Variants in TOMM70 observed in about 807,000 individuals in gnomAD.
TOMM70 encodes mitochondrial import receptor subunit TOM70.
A neutral mutation model predicts 73.6 loss-of-function variants in TOMM70; 13 were observed. The observed-to-expected ratio is 0.18, with a 90% CI of 0.11 to 0.28. TOMM70 has a LOEUF of 0.28. Among genes scored for constraint, TOMM70 ranks in the 10% least tolerant of loss-of-function variants. TOMM70 has a pLI of 1.00. For missense variants in TOMM70, 609 were observed against 747.5 expected, an observed-to-expected ratio of 0.81 and a Z score of 2.16; for synonymous variants, 257 against 271.2, an observed-to-expected ratio of 0.95 and a Z score of 0.51.
Position 100,365,516 on chromosome 3 carries a change from A to C in TOMM70, c.*48T>G, listed in dbSNP as rs559529228. Reference sequence around the variant, plus strand: ...GACAGTGTCTTTAGGGTTCAGTTGAAGAGGGGGTAAACTTTTAAAAAGAGG... The same window carrying C: ...GACAGTGTCTTTAGGGTTCAGTTGACGAGGGGGTAAACTTTTAAAAAGAGG... On this transcript the variant is annotated 3_prime_UTR_variant, in exon 12 of 12. Transcript: ENST00000284320. 1.2e-6 allele frequency: 2 copies of C among 1,611,864 alleles called. No individual in the cohort carries two copies. Among genetic ancestry groups the C allele is most frequent in the South Asian group, 2.2e-5 (2 of 90,888 alleles).
chr3:100,365,331 C>T lies in TOMM70; in HGVS notation c.*233G>A, dbSNP rs1282346388. The stretch of plus-strand genomic sequence containing the variant: ...TCTTTGCAACTTTATTTAAAAATCC[C>T]TTTAACATGTTCTAATCTTTTGTTG... On this transcript the variant is annotated 3_prime_UTR_variant, in exon 12 of 12. Coordinates refer to ENST00000284320, the MANE Select transcript of TOMM70 (RefSeq NM_014820.5). 2 of 479,644 alleles carry T rather than the reference C, an allele frequency of 4.2e-6. No homozygotes were observed. The highest frequency in any genetic ancestry group is 1.9e-5 in the African/African-American group (1 of 51,960). 29.7% of individuals were successfully genotyped at this position (479,644 alleles called of 1,614,324 possible). A position where few individuals can be genotyped will look rare whatever the true frequency, so the allele number is the denominator to read the frequency against.
Position 100,373,627 on chromosome 3 carries a change from G to C in TOMM70, c.1246C>G (p.Gln416Glu). Residue 416 changes from glutamine (Q) to glutamate (E), a missense_variant, in exon 8 of 12, where the codon CAA (glutamine) becomes GAA (glutamate). Transcript: ENST00000284320. ...AAATCTGCCACTGCTTCTTCAACTTGATCAAGGAGTATTTTCAGCTAAGAA... is the reference window on the plus strand; with the variant it reads ...AAATCTGCCACTGCTTCTTCAACTTCATCAAGGAGTATTTTCAGCTAAGAA... The part of the protein sequence containing the change: ...HRGQLKILLD[Q>E]VEEAVADFDE... 2 of 1,612,490 alleles carry C rather than the reference G, an allele frequency of 1.2e-6. No individual in the cohort carries two copies. The highest frequency in any genetic ancestry group is 1.7e-6 in the Non-Finnish European group (2 of 1,179,288).
chr3:100,367,909 A>G, intron 11 of TOMM70, 135 bp downstream of exon 11: 1 of 960,204 alleles, frequency 1.0e-6, no homozygotes, highest in South Asian at 2.4e-5. Flanking sequence ...GCCTTAGCAC[A>G]TTTTTTTTTC....
chr3:100,398,883 T>C (rs1310243009), intron 1 of TOMM70, among the ~76,000 whole-genome samples: 1 of 152,228 alleles, frequency 6.6e-6, no homozygotes, highest in East Asian at 1.9e-4. Flanking sequence ...ATAGGAAAGA[T>C]CATATGGCTT....
At chr3:100,376,202 T>C (rs1217309710) in intron 6 of TOMM70, among the ~76,000 whole-genome samples, 2 of 152,150 alleles carry the variant, frequency 1.3e-5, no homozygotes, top group Non-Finnish European at 2.9e-5. Context: ...GAGAAATGTG[T>C]ATTCAGATCC....
intron 1 of TOMM70, among the ~76,000 whole-genome samples, chr3:100,390,801 C>T (rs1304787085): frequency 1.3e-5 from 2 of 151,724 alleles, no homozygotes; most frequent in Non-Finnish European, 2.9e-5. Flanking sequence ...TGCACTCCAG[C>T]CTGGGAAACA....
At chr3:100,378,242 CA>C (rs755941817) in intron 5 of TOMM70, among the ~76,000 whole-genome samples, 82 of 129,602 alleles carry the variant, frequency 6.3e-4, no homozygotes, top group Admixed American at 7.8e-4. Flanking sequence ...GACTCCATCT[CA>C]AAAAAAAAAA....
intron 1 of TOMM70, among the ~76,000 whole-genome samples, chr3:100,400,199 G>C (rs1303712709): frequency 6.6e-6 from 1 of 152,078 alleles, no homozygotes; most frequent in African/African-American, 2.4e-5. Flanking sequence ...CTCCAAAAGG[G>C]GGAGTGGCTC....
rs1706424149 is a variant in TOMM70, at chr3:100,364,273, A to G, written c.*1291T>C. 6.6e-6 allele frequency: 1 copy of G among 152,202 alleles called. No homozygotes were observed. Among genetic ancestry groups the G allele is most frequent in the South Asian group, 2.1e-4 (1 of 4,832 alleles). The allele number at this position is 152,202 out of a possible 1,614,324, so 9.4% of individuals were successfully genotyped here. A position where few individuals can be genotyped will look rare whatever the true frequency, so the allele number is the denominator to read the frequency against. On this transcript the variant is annotated 3_prime_UTR_variant, in exon 12 of 12. Coordinates refer to ENST00000284320, the MANE Select transcript of TOMM70 (RefSeq NM_014820.5). ...CCTGGGTAGTTAGTCCTTAGAGATCAAGGTTAGCTCACTACAAAAAGCACT... is the reference window on the plus strand; with the variant it reads ...CCTGGGTAGTTAGTCCTTAGAGATCGAGGTTAGCTCACTACAAAAAGCACT...
At chr3:100,368,490 G>C (rs277639) in intron 10 of TOMM70, among the ~76,000 whole-genome samples, 44,649 of 152,100 alleles carry the variant, frequency 0.29, 11,056 homozygotes, top group East Asian at 0.66. Flanking sequence ...TGTATGCTTC[G>C]TATTTGGATA....
chr3:100,384,187 A>G (rs998670619), intron 4 of TOMM70, among the ~76,000 whole-genome samples: 7 of 152,252 alleles, frequency 4.6e-5, no homozygotes, highest in African/African-American at 1.4e-4. Context: ...GTGACTGAAC[A>G]TTATTTATAA....
intron 5 of TOMM70, among the ~76,000 whole-genome samples, chr3:100,380,911 T>C (rs996416874): frequency 6.6e-6 from 1 of 152,212 alleles, no homozygotes; most frequent in Non-Finnish European, 1.5e-5. Flanking sequence ...AACCCAGTTA[T>C]GCACAGCTAC....
chr3:100,384,432 C>T (rs1162440435), intron 4 of TOMM70, 47 bp downstream of exon 4: 16 of 1,339,972 alleles, frequency 1.2e-5, no homozygotes, highest in Non-Finnish European at 1.5e-5. Context: ...AAATACCCTT[C>T]ACAATGTACA....
At chr3:100,367,269 TAAAAG>T (rs1386643436) in intron 11 of TOMM70, among the ~76,000 whole-genome samples, 2 of 149,610 alleles carry the variant, frequency 1.3e-5, no homozygotes, top group Admixed American at 6.6e-5. Flanking sequence ...ACAGAATGGT[TAAAAG>T]AAACACAATT....
At chr3:100,378,879 T>G (rs991542427) in intron 5 of TOMM70, among the ~76,000 whole-genome samples, 2 of 151,870 alleles carry the variant, frequency 1.3e-5, no homozygotes, top group Non-Finnish European at 2.9e-5. Flanking sequence ...TGGTGGCGGG[T>G]GCCTATAGTC....
At chr3:100,371,579 TTTG>T (rs1475929097) in intron 9 of TOMM70, among the ~76,000 whole-genome samples, 1 of 152,074 alleles carries the variant, frequency 6.6e-6, no homozygotes, top group Non-Finnish European at 1.5e-5. Context: ...GGGATAGTAA[TTTG>T]TTATCGTTTC....
intron 8 of TOMM70, 48 bp downstream of exon 8, chr3:100,373,490 G>A (rs1163529899): frequency 1.4e-6 from 2 of 1,454,592 alleles, no homozygotes; most frequent in African/African-American, 1.4e-5. Flanking sequence ...GTTGACGCTG[G>A]AAAATAAAAG....
intron 3 of TOMM70, among the ~76,000 whole-genome samples, chr3:100,385,299 G>T (rs571093986): frequency 1.3e-5 from 2 of 152,230 alleles, no homozygotes; most frequent in Admixed American, 6.5e-5. Flanking sequence ...CAGTTATTGT[G>T]TTAGTAACTT....
At chr3:100,388,738 TCAAAAAAA>T (rs1203173512) in intron 1 of TOMM70, among the ~76,000 whole-genome samples, 12 of 152,040 alleles carry the variant, frequency 7.9e-5, no homozygotes, top group African/African-American at 2.9e-4. Context: ...AAATTTAGTT[TCAAAAAAA>T]TGAGAGGCTA....
Sources: allele counts gnomAD v4.1 joint callset (sites outside exome capture counted in the v4.1 genomes callset), GRCh38; gene constraint gnomAD v4.1.1; transcripts MANE v1.5; gene names NCBI Gene and HGNC (gene_info 2026-07-23, HGNC 2026-07-21).